The following SRGAP2 variants were observed in gnomAD, a reference collection of about 807,000 sequenced individuals.
The protein encoded by SRGAP2 is SLIT-ROBO Rho GTPase activating protein 2.
SRGAP2 carries 15 observed loss-of-function variants against 57.2 expected under a neutral mutation model. The observed-to-expected ratio is 0.26, with a 90% CI of 0.18 to 0.40. The LOEUF (loss-of-function observed/expected upper bound fraction) is 0.40, where lower values mean the gene tolerates loss of function less well. Among genes scored for constraint, SRGAP2 ranks in the 10% least tolerant of loss-of-function variants. The pLI, the probability that SRGAP2 is intolerant of heterozygous loss-of-function variation, is 1.00. For synonymous variants in SRGAP2, 249 were observed against 248.0 expected (o/e 1.00, Z -0.04); for missense variants, 520 against 669.6 (o/e 0.78, Z 2.47).
rs1411139933 is a variant in SRGAP2 at position 206,289,279 on chromosome 1, T to G, written c.68-14002T>G. On this transcript the variant is annotated intron_variant, in intron 2 of 22. Transcript: ENST00000573034. ...TATTTAAGAGATAAGGAGGTTTTTT[T>G]TTTTTTTTTTTGAGACGGAGTCTCG... Among the ~76,000 whole-genome samples the G allele has an allele frequency of 2.5e-4, 36 of 144,528 alleles. 2 individuals are homozygous for G. Among genetic ancestry groups the G allele is most frequent in the South Asian group, 4.3e-4 (2 of 4,654 alleles). 94.8% of individuals were successfully genotyped at this position (144,528 alleles called of 152,430 possible).
chr1:206,331,634 T>C (rs201655620), intron 3 of SRGAP2, among the ~76,000 whole-genome samples: 6,017 of 131,272 alleles, frequency 0.046, 277 homozygotes, highest in African/African-American at 0.13. Context: ...TTGCAACCCC[T>C]GCCTTTTTTT....
intron 4 of SRGAP2, among the ~76,000 whole-genome samples, chr1:206,371,938 G>A (rs377366128): frequency 0.033 from 2,661 of 81,248 alleles, 150 homozygotes; most frequent in African/African-American, 0.15. Context: ...CCACCTCAGC[G>A]TCCCAAGTAT....
At position 206,407,158 on chromosome 1, in the gene SRGAP2, T is replaced by C. The variant is rs1197637395; in HGVS notation, c.1356+584T>C. The C allele has an allele frequency of 4.8e-5, 3 of 62,208 alleles. 1 individual carries two copies. 3.9% of individuals were successfully genotyped at this position (62,208 alleles called of 1,614,324 possible). A position where few individuals can be genotyped will look rare whatever the true frequency, so the allele number is the denominator to read the frequency against. On this transcript the variant is annotated intron_variant, in intron 10 of 22. Coordinates refer to ENST00000573034, the MANE Select transcript of SRGAP2 (RefSeq NM_015326.5). ...TCTTTTAGACAGTTGGACCCTTTTT[T>C]CTTTTTCTTTTTTTTTTTTTTTTTA...
At chr1:206,210,443 G>A in intron 2 of SRGAP2, among the ~76,000 whole-genome samples, 1 of 110,350 alleles carries the variant, frequency 9.1e-6, no homozygotes. Flanking sequence ...TGTCTTAGGA[G>A]AACAGTGTGT....
chr1:206,278,429 G>A, intron 2 of SRGAP2, among the ~76,000 whole-genome samples: 1 of 138,162 alleles, frequency 7.2e-6, no homozygotes, highest in Non-Finnish European at 1.5e-5. Flanking sequence ...GCTCATTGCA[G>A]CCTCCAACTC....
chr1:206,456,826 T>A lies in SRGAP2; in HGVS notation c.2508-1797T>A, dbSNP rs1006591024. ...CCCCACGCCACTCCTCCTCCCAAAT[T>A]CCTTGAGTTTCCCGAGTGCCCAGGT... On this transcript the variant is annotated intron_variant, in intron 21 of 22. Transcript: ENST00000573034. Among the ~76,000 whole-genome samples, 5 of 152,076 alleles carry A rather than the reference T, an allele frequency of 3.3e-5. No individual in the cohort carries two copies. The East Asian group carries it at 9.7e-4, about 29-fold the overall frequency.
In SRGAP2 at chr1:206,310,166, C is replaced by T. The variant is rs192934002; in HGVS notation, c.260+6693C>T. 1.8e-3 allele frequency among the ~76,000 whole-genome samples: 274 copies of T among 151,672 alleles called. 9 individuals are homozygous for T. Among genetic ancestry groups the T allele is most frequent in the African/African-American group, 6.6e-3 (271 of 40,958 alleles). Reference sequence around the variant, plus strand: ...TCTTAGGGTGAAACATATGAAATTGCTGGGTTTTTTTGTAAGGCAAAATGG... The same window carrying T: ...TCTTAGGGTGAAACATATGAAATTGTTGGGTTTTTTTGTAAGGCAAAATGG... On this transcript the variant is annotated intron_variant, in intron 3 of 22. Transcript: ENST00000573034.
chr1:206,372,976 T>TCTTTCTTTC (rs1654782302), intron 4 of SRGAP2, among the ~76,000 whole-genome samples: 1 of 49,852 alleles, frequency 2.0e-5, no homozygotes, highest in Non-Finnish European at 3.8e-5. Context: ...TTTCTTTCTT[T>TCTTTCTTTC]CTTTCTTTCT....
intron 4 of SRGAP2, among the ~76,000 whole-genome samples, chr1:206,347,146 G>A (rs1422194428): frequency 6.7e-6 from 1 of 148,744 alleles, no homozygotes; most frequent in Non-Finnish European, 1.5e-5. Flanking sequence ...AGCTACCCAG[G>A]AGGCTGAGAC....
At chr1:206,280,686 A>T (rs1670679308) in intron 2 of SRGAP2, among the ~76,000 whole-genome samples, 1 of 152,096 alleles carries the variant, frequency 6.6e-6, no homozygotes, top group Non-Finnish European at 1.5e-5. Flanking sequence ...TCTTGGTGAG[A>T]TAAAAGAAGA....
At chr1:206,351,858 G>A (rs1676062328) in intron 4 of SRGAP2, among the ~76,000 whole-genome samples, 1 of 152,206 alleles carries the variant, frequency 6.6e-6, no homozygotes, top group Non-Finnish European at 1.5e-5. Context: ...GGGAATGTGT[G>A]CATCAAAGAT....
intron 10 of SRGAP2, among the ~76,000 whole-genome samples, chr1:206,415,336 C>T (rs1197507505): frequency 2.0e-5 from 3 of 152,172 alleles, no homozygotes; most frequent in South Asian, 2.1e-4. Flanking sequence ...GCTGAGTGCT[C>T]AGAAATCCGA....
intron 3 of SRGAP2, among the ~76,000 whole-genome samples, chr1:206,342,576 GTTCT>G (rs1183026942): frequency 6.6e-6 from 1 of 151,922 alleles, no homozygotes; most frequent in African/African-American, 2.4e-5. Flanking sequence ...CATTCACCAA[GTTCT>G]TAGAACATAG....
chr1:206,325,747 G>A (rs2102852339), intron 3 of SRGAP2, among the ~76,000 whole-genome samples: 1 of 152,144 alleles, frequency 6.6e-6, no homozygotes, highest in East Asian at 1.9e-4. Context: ...CTAATGGGTT[G>A]AATCCCACAG....
intron 4 of SRGAP2, among the ~76,000 whole-genome samples, chr1:206,370,658 G>A (rs1358914734): frequency 6.6e-5 from 10 of 152,102 alleles, no homozygotes; most frequent in African/African-American, 7.2e-5. Flanking sequence ...TTAAATATTC[G>A]GGACTTAGTG....
intron 3 of SRGAP2, among the ~76,000 whole-genome samples, chr1:206,332,714 AT>A (rs1210988388): frequency 6.7e-6 from 1 of 149,066 alleles, no homozygotes; most frequent in African/African-American, 2.5e-5. Context: ...ATTCTTCTAA[AT>A]TTTTTTCAAA....
At position 206,454,542 on chromosome 1, in the gene SRGAP2, C is replaced by T; in HGVS notation, c.2361-336C>T. 4.9e-6 allele frequency: 2 copies of T among 411,520 alleles called. No individual in the cohort carries two copies. Among genetic ancestry groups the T allele is most frequent in the East Asian group, 8.7e-5 (2 of 22,918 alleles). The allele number at this position is 411,520 out of a possible 1,614,324, so 25.5% of individuals were successfully genotyped here. A position where few individuals can be genotyped will look rare whatever the true frequency, so the allele number is the denominator to read the frequency against. On this transcript the variant is annotated intron_variant, in intron 20 of 22. Coordinates refer to ENST00000573034, the MANE Select transcript of SRGAP2 (RefSeq NM_015326.5). This position sits in a 1 kb window ranked among gnomAD's most constrained non-coding sequence, Gnocchi z 4.3. Reference sequence around the variant, plus strand: ...AAACCACAACCTGGACTTGCCGCCTCCTTCTCCAGGAGGCCGCCCCAGCAC... The same window carrying T: ...AAACCACAACCTGGACTTGCCGCCTTCTTCTCCAGGAGGCCGCCCCAGCAC...
chr1:206,290,989 G>T (rs1671287622), intron 2 of SRGAP2, among the ~76,000 whole-genome samples: 1 of 145,756 alleles, frequency 6.9e-6, no homozygotes, highest in Non-Finnish European at 1.5e-5. Flanking sequence ...TAAAAAGGTG[G>T]TTGCCCCTCT....
chr1:206,357,894 T>C lies in SRGAP2; in HGVS notation c.423+14886T>C, dbSNP rs548355549. Among the ~76,000 whole-genome samples the C allele has an allele frequency of 6.8e-5, 10 of 146,888 alleles. No individual in the cohort carries two copies. The East Asian group carries it at 2.0e-3, about 29-fold the overall frequency. On this transcript the variant is annotated intron_variant, in intron 4 of 22. Coordinates refer to ENST00000573034, the MANE Select transcript of SRGAP2 (RefSeq NM_015326.5). ...TGAGCCACCACGACCAGCTGGCTGT[T>C]GTCTTGACTCTCCCCTGGACTATGT... is the stretch of plus-strand genomic sequence containing the variant.
Sources: gnomAD v4.1 joint callset for allele counts (sites outside exome capture counted in the v4.1 genomes callset) on GRCh38, gnomAD v4.1.1 for gene constraint, Gnocchi (gnomAD v3.1) non-coding constraint, MANE v1.5 for transcripts, NCBI Gene and HGNC (gene_info 2026-07-23, HGNC 2026-07-21) for gene names.